PLCZ1: variants seen among roughly 807,000 people sequenced by gnomAD.
PLCZ1 encodes the protein phospholipase C zeta 1, also known as 1-phosphatidylinositol 4,5-bisphosphate phosphodiesterase zeta-1.
A neutral mutation model predicts 76.8 loss-of-function variants in PLCZ1; 64 were observed. That is an observed-to-expected ratio of 0.83 (90% CI 0.68 to 1.03). The LOEUF (loss-of-function observed/expected upper bound fraction) is 1.03, where lower values mean the gene tolerates loss of function less well. Ranked by LOEUF, PLCZ1 falls within the 50% of genes least tolerant of loss-of-function variation. PLCZ1 has a pLI of 0.00. For missense variants in PLCZ1, 751 were observed against 713.7 expected (o/e 1.05, Z -0.60); for synonymous variants, 248 against 230.8 (o/e 1.07, Z -0.68).
Position 18,705,321 on chromosome 12 carries a change from A to G in PLCZ1, c.715-6T>C. 1 of 1,614,066 alleles carries G rather than the reference A, an allele frequency of 6.2e-7. No homozygotes were observed. The highest frequency in any genetic ancestry group is 8.5e-7 in the Non-Finnish European group (1 of 1,179,940). On this transcript the variant is annotated splice_polypyrimidine_tract_variant and splice_region_variant and intron_variant, in intron 6 of 14. Coordinates refer to ENST00000266505, the MANE Select transcript of PLCZ1 (RefSeq NM_033123.4). Reference sequence around the variant, plus strand: ...ACCACTGGGTAGTCAGATGTCTAAAAAAGTAACCATTACTATGGTTATTCA... The same window carrying G: ...ACCACTGGGTAGTCAGATGTCTAAAGAAGTAACCATTACTATGGTTATTCA...
At position 18,684,186 on chromosome 12, in the gene PLCZ1, A is replaced by G. The variant is rs768519319; in HGVS notation, c.1685T>C (p.Ile562Thr). ...IRFVVEGQGLIAGNEFLGQYT... is the reference protein window; with the variant it reads ...IRFVVEGQGLTAGNEFLGQYT... The stretch of plus-strand genomic sequence containing the variant: ...TTGCCCAAGAAATTCATTTCCTGCT[A>G]TTAAACCTTGACCTTCAACAACAAA... Residue 562 changes from isoleucine to threonine, a missense_variant, in exon 14 of 15, where the codon ATA becomes ACA. Transcript: ENST00000266505. 6.2e-7 allele frequency: 1 copy of G among 1,612,350 alleles called. No individual in the cohort carries two copies. Among genetic ancestry groups the G allele is most frequent in the African/African-American group, 1.3e-5 (1 of 74,944 alleles).
chr12:18,666,947 A>C, the PLCZ1 span, among the ~76,000 whole-genome samples: 1 of 152,178 alleles, frequency 6.6e-6, no homozygotes, highest in African/African-American at 2.4e-5. Context: ...TCAGGGTTTT[A>C]ACCACAATTC....
At chr12:18,656,359 C>G in the PLCZ1 span, among the ~76,000 whole-genome samples, 1 of 151,982 alleles carries the variant, frequency 6.6e-6, no homozygotes, top group Non-Finnish European at 1.5e-5. Context: ...GGGTGGATCA[C>G]GAGCTCAGTA....
At chr12:18,650,615 C>A in the PLCZ1 span, among the ~76,000 whole-genome samples, 1 of 145,264 alleles carries the variant, frequency 6.9e-6, no homozygotes, top group African/African-American at 2.5e-5. Context: ...CTGATACGGG[C>A]TCACTTGAAA....
chr12:18,692,331 A>G (rs1954226683), intron 12 of PLCZ1, among the ~76,000 whole-genome samples: 1 of 152,224 alleles, frequency 6.6e-6, no homozygotes, highest in East Asian at 1.9e-4. Context: ...GTTATAGCCT[A>G]AAATAGAACT....
chr12:18,677,291 G>C, the PLCZ1 span, among the ~76,000 whole-genome samples: 5 of 152,120 alleles, frequency 3.3e-5, no homozygotes, highest in Non-Finnish European at 7.4e-5. Flanking sequence ...GAGCAAGACA[G>C]TTTCTAGAAA....
chr12:18,694,469 G>A (rs1954642183), intron 12 of PLCZ1, among the ~76,000 whole-genome samples: 2 of 152,090 alleles, frequency 1.3e-5, no homozygotes, highest in South Asian at 4.1e-4. Context: ...ACAGACATAT[G>A]GGGGGAAGAA....
intron 3 of PLCZ1, among the ~76,000 whole-genome samples, chr12:18,729,752 C>A (rs1335833997): frequency 6.6e-6 from 1 of 151,970 alleles, no homozygotes; most frequent in African/African-American, 2.4e-5. Flanking sequence ...TTTAAAAAAT[C>A]TTAGAGAATT....
chr12:18,717,803 G>A (rs1356643541), intron 5 of PLCZ1, among the ~76,000 whole-genome samples: 1 of 152,010 alleles, frequency 6.6e-6, no homozygotes, highest in Non-Finnish European at 1.5e-5. Context: ...AAATTACATG[G>A]TCCCCAACAT....
chr12:18,710,016 T>C (rs754586614), intron 6 of PLCZ1, among the ~76,000 whole-genome samples: 19 of 151,894 alleles, frequency 1.3e-4, no homozygotes, highest in Non-Finnish European at 2.8e-4. Context: ...GTTCTGCAAC[T>C]TTACTGAATT....
Position 18,712,903 on chromosome 12 carries a change from G to A in PLCZ1, c.653C>T (p.Thr218Ile), listed in dbSNP as rs1465924779. 6.2e-7 allele frequency: 1 copy of A among 1,613,820 alleles called. No individual in the cohort carries two copies. Among genetic ancestry groups the A allele is most frequent in the African/African-American group, 1.3e-5 (1 of 74,918 alleles). Residue 218 changes from threonine to isoleucine, a missense_variant, in exon 6 of 15, where the codon ACA (threonine) becomes ATA (isoleucine). By Grantham distance (89) the Thr-to-Ile change is moderately conservative. Coordinates refer to ENST00000266505, the MANE Select transcript of PLCZ1 (RefSeq NM_033123.4). ...QNEPVVYHGY[T>I]LTSKLLFKTV... Reference sequence around the variant, plus strand: ...TTTAAACAGAAGTTTGCTTGTGAGTGTGTAGCCATGATATACAACAGGTTC... The same window carrying A: ...TTTAAACAGAAGTTTGCTTGTGAGTATGTAGCCATGATATACAACAGGTTC...
intron 9 of PLCZ1, 77 bp from the exon 10 acceptor site, chr12:18,700,027 C>T (rs978053344): frequency 1.7e-6 from 2 of 1,143,818 alleles, no homozygotes; most frequent in African/African-American, 1.6e-5. Context: ...AAAGAAAATA[C>T]ACTTTCAAAC....
chr12:18,693,702 C>T (rs1954499818), intron 12 of PLCZ1: 5 of 1,563,778 alleles, frequency 3.2e-6, no homozygotes, highest in Admixed American at 1.7e-5. Flanking sequence ...CAGCGAACAA[C>T]GTTGGAACTG....
At chr12:18,668,194 C>A in the PLCZ1 span, among the ~76,000 whole-genome samples, 2 of 152,134 alleles carry the variant, frequency 1.3e-5, 1 homozygote, top group South Asian at 4.1e-4. Context: ...TCCAGTCATA[C>A]TTTCAATAAC....
In PLCZ1 at chr12:18,705,323, A is replaced by T; in HGVS notation, c.715-8T>A. The T allele has an allele frequency of 6.2e-7, 1 of 1,614,096 alleles. No homozygotes were observed. Among genetic ancestry groups the T allele is most frequent in the East Asian group, 2.2e-5 (1 of 44,860 alleles). Reference sequence around the variant, plus strand: ...CACTGGGTAGTCAGATGTCTAAAAAAGTAACCATTACTATGGTTATTCATC... The same window carrying T: ...CACTGGGTAGTCAGATGTCTAAAAATGTAACCATTACTATGGTTATTCATC... On this transcript the variant is annotated splice_polypyrimidine_tract_variant and splice_region_variant and intron_variant, in intron 6 of 14. Coordinates refer to ENST00000266505, the MANE Select transcript of PLCZ1 (RefSeq NM_033123.4).
At position 18,699,932 on chromosome 12, in the gene PLCZ1, C is replaced by A. The variant is rs1955658013; in HGVS notation, c.1036G>T (p.Ala346Ser). 1.2e-6 allele frequency: 2 copies of A among 1,610,532 alleles called. No homozygotes were observed. Among genetic ancestry groups the A allele is most frequent in the African/African-American group, 2.7e-5 (2 of 74,790 alleles). ...ATGACAAGATCAGATAAGGCCAGAG[C>A]AATTTTTAGCTTCCTGGTCTAAAAA... ...KKKKTRKLKI[A>S]LALSDLVIYT... The change falls in exon 10 of 15, where the codon GCT becomes TCT. Residue 346 changes from alanine (A) to serine (S), a missense_variant. Transcript: ENST00000266505.
the PLCZ1 span, among the ~76,000 whole-genome samples, chr12:18,669,667 T>A: frequency 2.0e-5 from 3 of 149,606 alleles, no homozygotes; most frequent in Non-Finnish European, 4.5e-5. Context: ...CTTCCTCTCT[T>A]TTTTTTTTGA....
At chr12:18,726,243 G>C (rs1041342535) in intron 3 of PLCZ1, among the ~76,000 whole-genome samples, 1 of 151,954 alleles carries the variant, frequency 6.6e-6, no homozygotes, top group Non-Finnish European at 1.5e-5. Flanking sequence ...CCCACCTCAG[G>C]GTTCACTACC....
intron 3 of PLCZ1, among the ~76,000 whole-genome samples, chr12:18,728,566 G>C (rs1958880125): frequency 6.6e-6 from 1 of 152,166 alleles, no homozygotes; most frequent in African/African-American, 2.4e-5. Context: ...TCACAGGACA[G>C]AAGGAGAAGG....
Sources: gnomAD v4.1 joint callset for allele counts (sites outside exome capture counted in the v4.1 genomes callset) on GRCh38, gnomAD v4.1.1 for gene constraint, MANE v1.5 for transcripts, NCBI Gene and HGNC (gene_info 2026-07-23, HGNC 2026-07-21) for gene names.